Variants in DACH2 observed in about 807,000 individuals in gnomAD.
DACH2 encodes dachshund homolog 2.
In DACH2, 17 loss-of-function variants were observed where a neutral mutation model predicts 35.8. The observed-to-expected ratio is 0.48, with a 90% CI of 0.33 to 0.71. The LOEUF is 0.71. Among genes scored for constraint, DACH2 ranks in the 30% least tolerant of loss-of-function variants. The probability of loss-of-function intolerance (pLI) is 0.02; values close to 1 mark genes in which losing one functional copy is unlikely to be tolerated. For missense variants in DACH2, 469 were observed against 472.7 expected (o/e 0.99, Z 0.07); for synonymous variants, 195 against 177.3 (o/e 1.10, Z -0.79).
At chrX:86,373,437 C>T (rs2035919384) in intron 1 of DACH2, among the ~76,000 whole-genome samples, 1 of 111,098 alleles carries the variant, frequency 9.0e-6, no homozygotes, top group Non-Finnish European at 1.9e-5. Context: ...TGTTTATCAA[C>T]CTTATTATGT....
intron 3 of DACH2, among the ~76,000 whole-genome samples, chrX:86,647,923 T>C (rs1420748013): frequency 1.8e-5 from 2 of 109,956 alleles, no homozygotes. Flanking sequence ...AAAAGAAGAG[T>C]GTAGAGTACC....
intron 1 of DACH2, among the ~76,000 whole-genome samples, chrX:86,156,584 T>C (rs185604807): frequency 9.0e-6 from 1 of 111,623 alleles, no homozygotes. Context: ...ATGAAGTATA[T>C]CTTCAAAGCA....
At chrX:86,547,095 G>C (rs2038985642) in intron 3 of DACH2, among the ~76,000 whole-genome samples, 1 of 110,768 alleles carries the variant, frequency 9.0e-6, no homozygotes, top group African/African-American at 3.3e-5. Flanking sequence ...CCTGTTTTTA[G>C]TATAAGAGTG....
intron 4 of DACH2, among the ~76,000 whole-genome samples, chrX:86,678,000 G>A (rs756991456): frequency 5.3e-5 from 6 of 112,247 alleles, no homozygotes; most frequent in African/African-American, 1.9e-4. Flanking sequence ...TCTGGCAGAT[G>A]GCATTGCTCA....
chrX:86,695,087 A>G lies in DACH2; in HGVS notation c.839A>G (p.His280Arg). The change falls in exon 5 of 12, where the codon CAT becomes CGT. Residue 280 changes from histidine (H) to arginine (R), a missense_variant. Transcript: ENST00000373125. Reference protein sequence around the residue: ...QSPFAAPGPQHGIAHAALAGQ... With the variant: ...QSPFAAPGPQRGIAHAALAGQ... ...CCATTTGCTGCACCTGGACCCCAAC[A>G]TGGAATTGCTCATGCAGCCCTAGCT... 1.7e-6 allele frequency: 2 copies of G among 1,156,412 alleles called. No individual in the cohort carries two copies. Among genetic ancestry groups the G allele is most frequent in the Non-Finnish European group, 2.3e-6 (2 of 866,612 alleles).
At chrX:86,463,951 A>G (rs2037620469) in intron 2 of DACH2, among the ~76,000 whole-genome samples, 1 of 112,221 alleles carries the variant, frequency 8.9e-6, no homozygotes. Flanking sequence ...AGAAAAATGC[A>G]AATCAAAACC....
At chrX:86,613,375 C>T (rs2039969230) in intron 3 of DACH2, among the ~76,000 whole-genome samples, 1 of 111,084 alleles carries the variant, frequency 9.0e-6, no homozygotes, top group Non-Finnish European at 1.9e-5. Context: ...TTTACCTTTA[C>T]TCCGTGCTGA....
At chrX:86,398,217 G>A (rs1275120939) in intron 2 of DACH2, among the ~76,000 whole-genome samples, 1 of 112,011 alleles carries the variant, frequency 8.9e-6, no homozygotes, top group African/African-American at 3.3e-5. Context: ...TTGTATTTCT[G>A]TGGGATCGGT....
intron 5 of DACH2, among the ~76,000 whole-genome samples, chrX:86,703,354 C>G (rs191770670): frequency 9.0e-6 from 1 of 111,353 alleles, no homozygotes; most frequent in African/African-American, 3.3e-5. Context: ...CCCATAAGAA[C>G]TGGAACGAGA....
intron 3 of DACH2, among the ~76,000 whole-genome samples, chrX:86,647,676 A>T (rs1379845031): frequency 3.6e-5 from 4 of 110,696 alleles, no homozygotes; most frequent in African/African-American, 1.3e-4. Flanking sequence ...GTCTTATGTT[A>T]CATGTTTTTA....
chrX:86,553,373 G>A (rs1331810625), intron 3 of DACH2, among the ~76,000 whole-genome samples: 1 of 111,638 alleles, frequency 9.0e-6, no homozygotes, highest in African/African-American at 3.3e-5. Context: ...GCTGGCAGCT[G>A]ATTAGATGGT....
intron 3 of DACH2, among the ~76,000 whole-genome samples, chrX:86,544,226 A>G (rs947340193): frequency 8.1e-5 from 9 of 111,487 alleles, no homozygotes; most frequent in African/African-American, 2.6e-4. Context: ...AATTCAGGAT[A>G]TTGTGTATGA....
chrX:86,512,909 A>G (rs2038415307), intron 2 of DACH2: 1 of 328,113 alleles, frequency 3.0e-6, no homozygotes, highest in Non-Finnish European at 5.9e-6. Flanking sequence ...ATTATGGCCC[A>G]GAATCAAGTA....
At chrX:86,751,266 G>A (rs1474672866) in intron 7 of DACH2, among the ~76,000 whole-genome samples, 1 of 110,601 alleles carries the variant, frequency 9.0e-6, no homozygotes, top group Non-Finnish European at 1.9e-5. Context: ...ATATTAAAAA[G>A]CTACTCCATC....
At chrX:86,325,491 T>C (rs886523429) in intron 1 of DACH2, among the ~76,000 whole-genome samples, 2 of 112,523 alleles carry the variant, frequency 1.8e-5, no homozygotes, top group African/African-American at 6.5e-5. Context: ...TTATTGAGGA[T>C]TGAATTAAGT....
At chrX:86,585,286 C>G (rs1305600492) in intron 3 of DACH2, among the ~76,000 whole-genome samples, 1 of 110,967 alleles carries the variant, frequency 9.0e-6, no homozygotes, top group African/African-American at 3.3e-5. Flanking sequence ...TGTAATGTTT[C>G]CTTTTTCCAT....
intron 2 of DACH2, among the ~76,000 whole-genome samples, chrX:86,404,232 C>T (rs761292658): frequency 1.8e-5 from 2 of 111,099 alleles, no homozygotes; most frequent in Admixed American, 9.6e-5. Context: ...CCAACAGTCC[C>T]CCAGAGTCTT....
At chrX:86,465,051 A>G (rs12009225) in intron 2 of DACH2, among the ~76,000 whole-genome samples, 492 of 112,200 alleles carry the variant, frequency 4.4e-3, no homozygotes, top group African/African-American at 0.015. Context: ...AAAATATTGA[A>G]TTAAACTTGA....
chrX:86,348,792 G>C (rs913192936), intron 1 of DACH2, among the ~76,000 whole-genome samples: 3 of 112,497 alleles, frequency 2.7e-5, no homozygotes, highest in Non-Finnish European at 5.6e-5. Context: ...AAGTGAAACA[G>C]GGAAAGTTCC....
Sources: gnomAD v4.1 joint callset for allele counts (sites outside exome capture counted in the v4.1 genomes callset) on GRCh38, gnomAD v4.1.1 for gene constraint, MANE v1.5 for transcripts, NCBI Gene and HGNC (gene_info 2026-07-23, HGNC 2026-07-21) for gene names.